Variants in LARP4B observed in about 807,000 individuals in gnomAD.
LARP4B encodes la-related protein 4B.
LARP4B carries 12 observed loss-of-function variants against 89.8 expected under a neutral mutation model. The observed-to-expected ratio is 0.13, with a 90% CI of 0.09 to 0.22. LARP4B has a LOEUF of 0.22. Ranked by LOEUF, LARP4B falls within the 10% of genes least tolerant of loss-of-function variation. The pLI is 1.00. For missense variants in LARP4B, 757 were observed against 947.7 expected, an observed-to-expected ratio of 0.80 and a Z score of 2.64; for synonymous variants, 367 against 363.3, an observed-to-expected ratio of 1.01 and a Z score of -0.12.
At chr10:947,658 G>A in the LARP4B span, among the ~76,000 whole-genome samples, 1 of 152,142 alleles carries the variant, frequency 6.6e-6, no homozygotes, top group Admixed American at 6.5e-5. Context: ...TTTCACTTTT[G>A]TTGCCCAGGC....
At chr10:901,926 T>C (rs74737730) in intron 1 of LARP4B, among the ~76,000 whole-genome samples, 5 of 152,296 alleles carry the variant, frequency 3.3e-5, no homozygotes, top group African/African-American at 1.2e-4. Flanking sequence ...CAAGATCTGA[T>C]TGAAAAAGTA....
chr10:976,372 C>T, the LARP4B span, among the ~76,000 whole-genome samples: 1 of 151,510 alleles, frequency 6.6e-6, no homozygotes, highest in African/African-American at 2.4e-5. Context: ...TGTGGCCCGG[C>T]TTAGTAGAAT....
chr10:922,426 C>T (rs1484174068), intron 1 of LARP4B, among the ~76,000 whole-genome samples: 1 of 152,156 alleles, frequency 6.6e-6, no homozygotes, highest in African/African-American at 2.4e-5. Flanking sequence ...TAACAACTGT[C>T]AATGGAGCAA....
chr10:894,139 TTAAG>T (rs1836121522), intron 1 of LARP4B, among the ~76,000 whole-genome samples: 1 of 152,274 alleles, frequency 6.6e-6, no homozygotes, highest in African/African-American at 2.4e-5. Context: ...TTCCAAATGG[TTAAG>T]TGAGACATTG....
At chr10:825,440 A>AGTTAACCATTCCAAATCCTAT in intron 12 of LARP4B, 124 bp from the exon 13 acceptor site, 1 of 949,114 alleles carries the variant, frequency 1.1e-6, no homozygotes, top group African/African-American at 1.6e-5. Flanking sequence ...TAAAAATAGG[A>AGTTAACCATTCCAAATCCTAT]TTTGGAATGG....
chr10:973,457 T>C, the LARP4B span, among the ~76,000 whole-genome samples: 1 of 151,970 alleles, frequency 6.6e-6, no homozygotes, highest in Non-Finnish European at 1.5e-5. Flanking sequence ...GGTCACACCA[T>C]TCTCCTGCCT....
At chr10:864,845 C>T (rs1312782261) in intron 3 of LARP4B, among the ~76,000 whole-genome samples, 1 of 152,040 alleles carries the variant, frequency 6.6e-6, no homozygotes, top group East Asian at 1.9e-4. Context: ...CCCAGCTACT[C>T]GAGAGGCTGA....
the LARP4B span, chr10:988,162 G>T: frequency 5.5e-5 from 17 of 308,910 alleles, no homozygotes; most frequent in East Asian, 1.1e-3. Context: ...GCCTGAACCC[G>T]CTCCAGAAAC....
At chr10:837,152 T>G (rs1414195143) in intron 7 of LARP4B, among the ~76,000 whole-genome samples, 1 of 152,202 alleles carries the variant, frequency 6.6e-6, no homozygotes, top group Non-Finnish European at 1.5e-5. Context: ...AAGTTCACAC[T>G]AATACATTAC....
At chr10:957,435 G>A in the LARP4B span, among the ~76,000 whole-genome samples, 1 of 152,090 alleles carries the variant, frequency 6.6e-6, no homozygotes, top group Non-Finnish European at 1.5e-5. Flanking sequence ...CAAAGTGCTG[G>A]GATTACAGGG....
the LARP4B span, among the ~76,000 whole-genome samples, chr10:949,516 A>G: frequency 6.6e-6 from 1 of 151,928 alleles, no homozygotes; most frequent in Non-Finnish European, 1.5e-5. Context: ...CAGGTGAGTG[A>G]CCTCCAACCC....
At chr10:947,895 T>G in the LARP4B span, among the ~76,000 whole-genome samples, 1 of 152,160 alleles carries the variant, frequency 6.6e-6, no homozygotes, top group African/African-American at 2.4e-5. Flanking sequence ...AGTGCTGGGA[T>G]TACAGGCATG....
At chr10:834,049 T>G (rs1025221373) in intron 8 of LARP4B, among the ~76,000 whole-genome samples, 1 of 152,106 alleles carries the variant, frequency 6.6e-6, no homozygotes, top group South Asian at 2.1e-4. Flanking sequence ...TCAAGGAACG[T>G]GAGAGTGGCT....
Position 829,739 on chromosome 10 carries a change from G to C in LARP4B, c.862-5C>G, listed in dbSNP as rs999918204. The stretch of plus-strand genomic sequence containing the variant: ...TTCTCGAAGGTATTTGTAAGCCTAA[G>C]GGCAAAATTAAGTACAAAATTCCAT... On this transcript the variant is annotated splice_region_variant and splice_polypyrimidine_tract_variant and intron_variant, in intron 9 of 17. Coordinates refer to ENST00000316157, the MANE Select transcript of LARP4B (RefSeq NM_015155.3). 4 of 1,608,896 alleles carry C rather than the reference G, an allele frequency of 2.5e-6. No homozygotes were observed. In the African/African-American group the frequency reaches 5.3e-5, roughly 22 times the overall value.
intron 1 of LARP4B, among the ~76,000 whole-genome samples, chr10:886,190 A>C (rs1175053220): frequency 1.3e-5 from 2 of 152,240 alleles, no homozygotes; most frequent in Admixed American, 1.3e-4. Flanking sequence ...CCAAGACAAC[A>C]GAAAAATGGC....
intron 1 of LARP4B, among the ~76,000 whole-genome samples, chr10:926,839 C>T (rs760239899): frequency 4.6e-5 from 7 of 152,150 alleles, no homozygotes; most frequent in Non-Finnish European, 7.4e-5. Context: ...AAGTTCAAGA[C>T]CAGCCTGGCC....
chr10:910,110 T>A (rs1588982893), intron 1 of LARP4B, among the ~76,000 whole-genome samples: 2 of 152,230 alleles, frequency 1.3e-5, no homozygotes. Flanking sequence ...TGCCTTACCC[T>A]TATCTTCATG....
chr10:867,459 T>C (rs77782449), intron 3 of LARP4B, among the ~76,000 whole-genome samples: 1,754 of 152,372 alleles, frequency 0.012, 33 homozygotes, highest in African/African-American at 0.04. Context: ...CATTAACTTA[T>C]AATTTATGAG....
At chr10:817,208 T>C (rs1832108993) in intron 15 of LARP4B, among the ~76,000 whole-genome samples, 1 of 152,184 alleles carries the variant, frequency 6.6e-6, no homozygotes, top group Non-Finnish European at 1.5e-5. Flanking sequence ...TCCTCTGTCA[T>C]CTGCAGCTCG....
Sources: allele counts gnomAD v4.1 joint callset (sites outside exome capture counted in the v4.1 genomes callset), GRCh38; gene constraint gnomAD v4.1.1; transcripts MANE v1.5; gene names NCBI Gene and HGNC (gene_info 2026-07-23, HGNC 2026-07-21).